NUP205: variants seen among roughly 807,000 people sequenced by gnomAD.
NUP205 encodes the protein nuclear pore complex protein Nup205.
A neutral mutation model predicts 253.8 loss-of-function variants in NUP205; 76 were observed. The ratio of observed to expected loss-of-function variants is 0.30; its 90% CI spans 0.25 to 0.36. The LOEUF is 0.36. Ranked by LOEUF, NUP205 falls within the 10% of genes least tolerant of loss-of-function variation. The pLI, the probability that NUP205 is intolerant of heterozygous loss-of-function variation, is 1.00. For synonymous variants in NUP205, 832 were observed against 850.1 expected (o/e 0.98, Z 0.37); for missense variants, 2,162 against 2,425.5 (o/e 0.89, Z 2.28).
At chr7:135,638,125 G>A (rs2129492453) in intron 37 of NUP205, 66 bp downstream of exon 37, 1 of 1,537,088 alleles carries the variant, frequency 6.5e-7, no homozygotes, top group Non-Finnish European at 8.8e-7. Flanking sequence ...AATAACAGAT[G>A]TGGACCTGGT....
chr7:135,629,998 A>G (rs1162880116), intron 34 of NUP205, among the ~76,000 whole-genome samples: 1 of 152,206 alleles, frequency 6.6e-6, no homozygotes, highest in Non-Finnish European at 1.5e-5. Flanking sequence ...TTGGCCAAAC[A>G]ATAAAGAAAA....
At chr7:135,645,874 T>C in intron 41 of NUP205, 1 of 572,744 alleles carries the variant, frequency 1.7e-6, no homozygotes, top group Non-Finnish European at 3.1e-6. Flanking sequence ...ATGGAGGAGG[T>C]CTGCTATTAT....
rs150588798 is a variant in NUP205 at position 135,636,545 on chromosome 7, A to G, written c.5136+888A>G. On this transcript the variant is annotated intron_variant, in intron 36 of 42. Coordinates refer to ENST00000285968, the MANE Select transcript of NUP205 (RefSeq NM_015135.3). ...TCATCTTTTATTGGTATGGAGGAAG[A>G]CACCTTTTTGATGGATCTTTCATAA... 2.5e-3 allele frequency among the ~76,000 whole-genome samples: 375 copies of G among 152,272 alleles called. 1 individual carries two copies. Among genetic ancestry groups the G allele is most frequent in the African/African-American group, 8.8e-3 (364 of 41,550 alleles).
intron 1 of NUP205, among the ~76,000 whole-genome samples, chr7:135,563,862 G>A (rs555179106): frequency 6.6e-6 from 1 of 151,914 alleles, no homozygotes; most frequent in Non-Finnish European, 1.5e-5. Context: ...GTGCGCGTGC[G>A]CCTGTAATCC....
At chr7:135,614,133 G>T in intron 22 of NUP205, 26 bp from the exon 23 acceptor site, 3 of 1,247,622 alleles carry the variant, frequency 2.4e-6, no homozygotes, top group Non-Finnish European at 3.5e-6. Flanking sequence ...ACTGATTCAG[G>T]GATTTTTCTT....
chr7:135,585,886 A>C (rs1302758711), intron 8 of NUP205, among the ~76,000 whole-genome samples: 1 of 152,202 alleles, frequency 6.6e-6, no homozygotes, highest in Non-Finnish European at 1.5e-5. Flanking sequence ...GGGCTTCAGC[A>C]TGGATACAGG....
intron 3 of NUP205, among the ~76,000 whole-genome samples, chr7:135,575,127 A>G (rs1170748357): frequency 6.6e-6 from 1 of 152,240 alleles, no homozygotes; most frequent in Non-Finnish European, 1.5e-5. Context: ...CTCATATTCT[A>G]ATAATTGAGA....
intron 12 of NUP205, among the ~76,000 whole-genome samples, chr7:135,593,819 A>T (rs1215566139): frequency 2.6e-5 from 4 of 152,190 alleles, no homozygotes; most frequent in African/African-American, 9.7e-5. Context: ...ACTGAATTAA[A>T]ATGGAAATGG....
chr7:135,560,466 C>T (rs1805554269), intron 1 of NUP205, among the ~76,000 whole-genome samples: 1 of 152,136 alleles, frequency 6.6e-6, no homozygotes, highest in African/African-American at 2.4e-5. Flanking sequence ...AGCCAAGAGT[C>T]AGGAGCTGGT....
chr7:135,598,087 A>G lies in NUP205; in HGVS notation c.2154A>G (p.Ser718=), dbSNP rs536432314. The stretch of plus-strand genomic sequence containing the variant: ...TTATTAGTACTCTGGTGGAGAGCTC[A>G]TTTCCTTCTAATTTGGGTGCTGGAC... ...CQLISTLVES[S]FPSNLGAGLR... is the part of the protein sequence containing the mutation. Residue 718 remains serine, a synonymous_variant, in exon 15 of 43, where the codon TCA becomes TCG. Transcript: ENST00000285968. The G allele has an allele frequency of 9.9e-5, 159 of 1,614,012 alleles. 2 individuals carry two copies. The South Asian group carries it at 1.6e-3, about 16-fold the overall frequency.
chr7:135,624,529 C>T (rs1281456436), intron 31 of NUP205, among the ~76,000 whole-genome samples: 4 of 152,130 alleles, frequency 2.6e-5, no homozygotes, highest in Admixed American at 2.6e-4. Context: ...GTGCCCACCA[C>T]CACGCCCAGC....
At chr7:135,573,539 TTC>T (rs1806058973) in intron 2 of NUP205, 113 bp from the exon 3 acceptor site, 1 of 670,426 alleles carries the variant, frequency 1.5e-6, no homozygotes, top group East Asian at 2.9e-5. Flanking sequence ...TAAGAAATAC[TTC>T]TGTTTGTCAT....
At position 135,619,611 on chromosome 7, in the gene NUP205, A is replaced by G. The variant is rs777136692; in HGVS notation, c.4152A>G (p.Pro1384=). The G allele has an allele frequency of 8.1e-6, 13 of 1,613,974 alleles. No homozygotes were observed. The East Asian group carries it at 2.9e-4, about 36-fold the overall frequency. The part of the protein sequence containing the change: ...CFTSPPPEEN[P]LVGFASIGDS... The stretch of plus-strand genomic sequence containing the variant: ...CCTCACCTCCTCCTGAAGAGAACCC[A>G]TTAGTGGGTTTTGCTTCTATTGGAG... Residue 1384 remains proline (P), a synonymous_variant, in exon 29 of 43, where the codon CCA becomes CCG. Transcript: ENST00000285968.
intron 23 of NUP205, among the ~76,000 whole-genome samples, chr7:135,615,519 T>C (rs1383316613): frequency 6.6e-6 from 1 of 152,384 alleles, no homozygotes; most frequent in East Asian, 1.9e-4. Flanking sequence ...TTAATTTTTC[T>C]TATGTATTTG....
chr7:135,617,815 T>C (rs1794392661), intron 27 of NUP205, 133 bp downstream of exon 27: 2 of 478,144 alleles, frequency 4.2e-6, no homozygotes, highest in Non-Finnish European at 7.6e-6. Flanking sequence ...TTAGGGAGTC[T>C]TTCACTTTTG....
At chr7:135,571,774 C>T (rs114499005) in intron 2 of NUP205, among the ~76,000 whole-genome samples, 4,281 of 152,206 alleles carry the variant, frequency 0.028, 102 homozygotes, top group South Asian at 0.11. Context: ...ATCACCCTGT[C>T]GTGCTATCAA....
chr7:135,612,557 C>T (rs192672876), intron 22 of NUP205, among the ~76,000 whole-genome samples: 32 of 152,180 alleles, frequency 2.1e-4, no homozygotes, highest in Middle Eastern at 3.4e-3. Flanking sequence ...ATGCAAAAAA[C>T]GTGGCACTAA....
rs566540964 is a variant in NUP205 at position 135,622,869 on chromosome 7, G to T, written c.4423G>T (p.Ala1475Ser). ...ENIAIIESYG[A>S]ALMEVVCRDA... ...CATAGCCATTATTGAAAGTTATGGC[G>T]CCGCCCTCATGGAAGTGGTCTGTCG... The change falls in exon 31 of 43, where the codon GCC (alanine) becomes TCC (serine). Residue 1475 changes from alanine to serine, a missense_variant. This residue lies in a region of NUP205 where 1,144 missense variants were observed against 1,280.9 expected (regional missense o/e 0.89). Transcript: ENST00000285968. 13 of 1,613,932 alleles carry T rather than the reference G, an allele frequency of 8.1e-6. No homozygotes were observed. In the Admixed American group the frequency reaches 1.8e-4, roughly 23 times the overall value.
Position 135,628,047 on chromosome 7 carries a change from C to G in NUP205, c.4868C>G (p.Ala1623Gly), listed in dbSNP as rs763113200. The part of the protein sequence containing the change: ...VDRYRQILLP[A>G]LQLCQVILTS... Reference sequence around the variant, plus strand: ...CGCTACCGCCAGATTCTCCTCCCAGCTCTCCAGCTGTGCCAGGTCATCCTC... The same window carrying G: ...CGCTACCGCCAGATTCTCCTCCCAGGTCTCCAGCTGTGCCAGGTCATCCTC... The change falls in exon 34 of 43, where the codon GCT (alanine) becomes GGT (glycine). Residue 1623 changes from alanine (A) to glycine (G), a missense_variant. By Grantham distance (60) the Ala-to-Gly change is moderately conservative. Around this residue, in one of 5 missense-constraint regions of NUP205, gnomAD observed 1,144 missense variants for 1,280.9 expected, o/e 0.89. Transcript: ENST00000285968. 3.7e-6 allele frequency: 6 copies of G among 1,611,338 alleles called. No individual in the cohort carries two copies. Among genetic ancestry groups the G allele is most frequent in the Middle Eastern group, 1.6e-4 (1 of 6,062 alleles).
Sources: allele counts gnomAD v4.1 joint callset (sites outside exome capture counted in the v4.1 genomes callset), GRCh38; gene constraint gnomAD v4.1.1; regional missense constraint gnomAD v4.1.1; transcripts MANE v1.5; gene names NCBI Gene and HGNC (gene_info 2026-07-23, HGNC 2026-07-21).